ZNF438: variants seen among roughly 807,000 people sequenced by gnomAD.
ZNF438 encodes the protein zinc finger protein 438.
Under a neutral mutation model 38.0 loss-of-function variants are expected in ZNF438, and 25 were observed. That is an observed-to-expected ratio of 0.66 (90% CI 0.48 to 0.92). ZNF438 has a LOEUF of 0.92. Among genes scored for constraint, ZNF438 ranks in the 40% least tolerant of loss-of-function variants. The probability of loss-of-function intolerance (pLI) is 0.00; values close to 1 mark genes in which losing one functional copy is unlikely to be tolerated. For missense variants in ZNF438, 1,007 were observed against 999.6 expected, an observed-to-expected ratio of 1.01 and a Z score of -0.10; for synonymous variants, 372 against 364.1, an observed-to-expected ratio of 1.02 and a Z score of -0.25.
intron 4 of ZNF438, among the ~76,000 whole-genome samples, chr10:30,872,177 C>T (rs1307678509): frequency 6.6e-6 from 1 of 151,822 alleles, no homozygotes; most frequent in Non-Finnish European, 1.5e-5. Context: ...GGGCGGATTA[C>T]AAGGTACAAG....
rs949514502 is a variant in ZNF438, at chr10:30,874,087, C to T, written c.37+2911G>A. On this transcript the variant is annotated intron_variant, in intron 4 of 5. Transcript: ENST00000413025. ...AAACAAATATATATGTAATATATTA[C>T]GTGTGGGTGTGTGGGGGTGTGTGTG... 9.0e-3 allele frequency among the ~76,000 whole-genome samples: 897 copies of T among 99,574 alleles called. 16 individuals are homozygous for T. Among genetic ancestry groups the T allele is most frequent in the African/African-American group, 0.03 (815 of 27,498 alleles). 65.3% of individuals were successfully genotyped at this position (99,574 alleles called of 152,430 possible).
In ZNF438 at chr10:30,848,067, T is replaced by C. The variant is rs139339868; in HGVS notation, c.1874+464A>G. ...CCATAGCAATAATACCAGGAAGCAG[T>C]GCTTGCAAAAAGGAATGACACCAGA... On this transcript the variant is annotated intron_variant, in intron 5 of 5. Coordinates refer to ENST00000413025, the Ensembl canonical transcript of ZNF438. 2.3e-4 allele frequency among the ~76,000 whole-genome samples: 35 copies of C among 152,232 alleles called. No homozygotes were observed. In the South Asian group the frequency reaches 6.4e-3, roughly 28 times the overall value.
At chr10:30,901,246 G>A (rs1214964994) in intron 3 of ZNF438, among the ~76,000 whole-genome samples, 5 of 152,194 alleles carry the variant, frequency 3.3e-5, no homozygotes, top group South Asian at 2.1e-4. Flanking sequence ...ACTCTTCAGG[G>A]ATCATATGAA....
chr10:30,880,992 T>C (rs1416771730), intron 3 of ZNF438, among the ~76,000 whole-genome samples: 2 of 152,204 alleles, frequency 1.3e-5, no homozygotes, highest in East Asian at 1.9e-4. Context: ...CTCCTCACTC[T>C]GGTGAAACAC....
Position 30,849,984 on chromosome 10 carries a change from A to G in ZNF438, c.421T>C (p.Phe141Leu), listed in dbSNP as rs1164033382. The G allele has an allele frequency of 1.7e-5, 27 of 1,614,140 alleles. No homozygotes were observed. The highest frequency in any genetic ancestry group is 2.3e-5 in the Non-Finnish European group (27 of 1,180,000). The change falls in exon 5 of 6, where the codon TTT becomes CTT. Residue 141 changes from phenylalanine to leucine, a missense_variant. Physicochemically the swap from Phe to Leu is conservative, Grantham distance 22. Coordinates refer to ENST00000413025, the Ensembl canonical transcript of ZNF438. ...GCTTTGCTACAGCCACTCTTAGGAA[A>G]GATCAGGATGGGTTTCTTTCTTGAT...
At chr10:31,006,777 G>A (rs1276667421) in intron 1 of ZNF438, among the ~76,000 whole-genome samples, 1 of 108,058 alleles carries the variant, frequency 9.3e-6, no homozygotes, top group Non-Finnish European at 2.1e-5. Context: ...TTGGCGGGGG[G>A]CGGGGGGGGG....
At chr10:30,909,735 T>C (rs973197711) in intron 2 of ZNF438, among the ~76,000 whole-genome samples, 2 of 152,188 alleles carry the variant, frequency 1.3e-5, no homozygotes, top group African/African-American at 4.8e-5. Context: ...AACTATATGA[T>C]CTAATTAAAT....
At chr10:30,911,949 C>T (rs952297203) in intron 2 of ZNF438, among the ~76,000 whole-genome samples, 5 of 152,212 alleles carry the variant, frequency 3.3e-5, no homozygotes, top group African/African-American at 1.2e-4. Context: ...TAATCCCATT[C>T]TCTCCCATTT....
intron 4 of ZNF438, among the ~76,000 whole-genome samples, chr10:30,872,749 C>A (rs1322293512): frequency 0.021 from 1,817 of 88,024 alleles, no homozygotes; most frequent in Middle Eastern, 0.038. Flanking sequence ...GACTCTGTCT[C>A]AAAAAAAAAA....
chr10:30,970,985 T>G (rs2050679601), intron 1 of ZNF438, among the ~76,000 whole-genome samples: 1 of 152,196 alleles, frequency 6.6e-6, no homozygotes, highest in African/African-American at 2.4e-5. Context: ...GACACCCGAC[T>G]CTGGGGACTT....
chr10:30,858,005 G>C (rs1434472405), intron 4 of ZNF438, among the ~76,000 whole-genome samples: 1 of 152,216 alleles, frequency 6.6e-6, no homozygotes, highest in Admixed American at 6.5e-5. Flanking sequence ...TCTGAATAAA[G>C]TTGTTCAACC....
intron 1 of ZNF438, among the ~76,000 whole-genome samples, chr10:30,985,821 A>G (rs1030394239): frequency 6.6e-6 from 1 of 152,180 alleles, no homozygotes; most frequent in Admixed American, 6.5e-5. Flanking sequence ...TTACATTTTA[A>G]TTAGCTGATC....
At chr10:30,857,492 T>A (rs2034856629) in intron 4 of ZNF438, among the ~76,000 whole-genome samples, 4 of 152,148 alleles carry the variant, frequency 2.6e-5, no homozygotes, top group Admixed American at 2.6e-4. Flanking sequence ...TGACCTAAAG[T>A]GATCCACCCG....
chr10:30,921,791 A>G (rs187096546), intron 2 of ZNF438, among the ~76,000 whole-genome samples: 1 of 152,174 alleles, frequency 6.6e-6, no homozygotes, highest in Non-Finnish European at 1.5e-5. Context: ...AGGCCTAGAT[A>G]GTTTTAAGGC....
chr10:31,030,506 T>A (rs2057216098), intron 1 of ZNF438, among the ~76,000 whole-genome samples: 1 of 152,254 alleles, frequency 6.6e-6, no homozygotes, highest in Admixed American at 6.5e-5. Context: ...CATTTGATCC[T>A]GGAAAAACCA....
At position 31,021,947 on chromosome 10, in the gene ZNF438, G is replaced by A. The variant is rs190352590; in HGVS notation, c.-192+9886C>T. On this transcript the variant is annotated intron_variant, in intron 1 of 5. Coordinates refer to ENST00000413025, the Ensembl canonical transcript of ZNF438. ...AAGAACTCAACATTGACCATTCTAC[G>A]GTCGTTTGGCATTTGAAGCAAATTG... Among the ~76,000 whole-genome samples the A allele has an allele frequency of 3.1e-3, 473 of 152,262 alleles. 1 individual carries two copies. The highest frequency in any genetic ancestry group is 6.8e-3 in the Middle Eastern group (2 of 294).
chr10:30,991,141 T>G (rs2132522739), intron 1 of ZNF438, among the ~76,000 whole-genome samples: 2 of 152,346 alleles, frequency 1.3e-5, no homozygotes, highest in African/African-American at 4.8e-5. Flanking sequence ...TATGTCTTAG[T>G]CTGTTTTACT....
At chr10:31,007,028 AC>A (rs2055204899) in intron 1 of ZNF438, among the ~76,000 whole-genome samples, 1 of 151,978 alleles carries the variant, frequency 6.6e-6, no homozygotes, top group Non-Finnish European at 1.5e-5. Flanking sequence ...AAGAATTAAA[AC>A]CAGAAAAATG....
At chr10:30,848,583 T>G in exon 5 of ZNF438, 6 of 1,614,224 alleles carry the variant, frequency 3.7e-6, no homozygotes, top group Non-Finnish European at 4.2e-6. Context: ...TTCTTTGGTA[T>G]GTCTCCTGGC....
Sources: allele counts gnomAD v4.1 joint callset (sites outside exome capture counted in the v4.1 genomes callset), GRCh38; gene constraint gnomAD v4.1.1; transcripts MANE v1.5; gene names NCBI Gene and HGNC (gene_info 2026-07-23, HGNC 2026-07-21).